The following SKAP2 variants were observed in gnomAD, a reference collection of about 807,000 sequenced individuals.
SKAP2 encodes the protein src kinase-associated phosphoprotein 2.
In SKAP2, 28 loss-of-function variants were observed where a neutral mutation model predicts 54.9. That is an observed-to-expected ratio of 0.51 (90% confidence interval 0.38 to 0.70). SKAP2 has a LOEUF of 0.70. Among genes scored for constraint, SKAP2 ranks in the 30% least tolerant of loss-of-function variants. The pLI, the probability that SKAP2 is intolerant of heterozygous loss-of-function variation, is 0.00. For synonymous variants in SKAP2, 137 were observed against 134.3 expected (o/e 1.02, Z -0.14); for missense variants, 356 against 424.1 (o/e 0.84, Z 1.41).
At chr7:26,692,812 A>G (rs1201117175) in intron 9 of SKAP2, among the ~76,000 whole-genome samples, 1 of 152,238 alleles carries the variant, frequency 6.6e-6, no homozygotes, top group Non-Finnish European at 1.5e-5. Flanking sequence ...GAACGTTTAC[A>G]GTCATTATTC....
intron 12 of SKAP2, among the ~76,000 whole-genome samples, 187 bp from the exon 13 acceptor site, chr7:26,669,843 G>T (rs773327377): frequency 9.2e-5 from 14 of 152,112 alleles, no homozygotes; most frequent in Non-Finnish European, 1.8e-4. Flanking sequence ...TGGGAAAACA[G>T]CTGGTTACTA....
intron 9 of SKAP2, among the ~76,000 whole-genome samples, chr7:26,720,032 T>G (rs1243170764): frequency 6.7e-6 from 1 of 148,444 alleles, no homozygotes; most frequent in East Asian, 2.0e-4. Flanking sequence ...TCCTTGGCCC[T>G]TACCCACCAC....
At position 26,747,388 on chromosome 7, in the gene SKAP2, T is replaced by C. The variant is rs371093027; in HGVS notation, c.308-7424A>G. Among the ~76,000 whole-genome samples, 15 of 152,252 alleles carry C rather than the reference T, an allele frequency of 9.9e-5. 1 individual carries two copies. Among genetic ancestry groups the C allele is most frequent in the African/African-American group, 3.6e-4 (15 of 41,576 alleles). Reference sequence around the variant, plus strand: ...GGGGAAAAGGCTTTAAAAACTGATATAGCAGCCTATGTGACTACACTGGGG... The same window carrying C: ...GGGGAAAAGGCTTTAAAAACTGATACAGCAGCCTATGTGACTACACTGGGG... On this transcript the variant is annotated intron_variant, in intron 4 of 12. Coordinates refer to ENST00000345317, the MANE Select transcript of SKAP2 (RefSeq NM_003930.5).
chr7:26,681,214 C>G (rs1786485447), intron 11 of SKAP2, among the ~76,000 whole-genome samples: 1 of 152,188 alleles, frequency 6.6e-6, no homozygotes, highest in African/African-American at 2.4e-5. Flanking sequence ...CTTTGGGAGG[C>G]CGAGGCGGGC....
At chr7:26,808,262 C>T (rs1275694383) in intron 4 of SKAP2, among the ~76,000 whole-genome samples, 1 of 152,046 alleles carries the variant, frequency 6.6e-6, no homozygotes, top group African/African-American at 2.4e-5. Context: ...GGTATACATA[C>T]ATAATAGAAT....
chr7:26,754,228 G>C (rs1782742197), intron 4 of SKAP2, among the ~76,000 whole-genome samples: 1 of 151,860 alleles, frequency 6.6e-6, no homozygotes, highest in African/African-American at 2.4e-5. Context: ...GCAGGGCGTG[G>C]TGGCGTACAC....
chr7:26,754,383 A>C (rs1016933883), intron 4 of SKAP2, among the ~76,000 whole-genome samples: 27 of 131,936 alleles, frequency 2.0e-4, no homozygotes, highest in Non-Finnish European at 1.1e-4. Context: ...CACACACACA[A>C]AAAGTATTCA....
Position 26,826,118 on chromosome 7 carries a change from T to TACAC in SKAP2, c.307+17908_307+17911dup, listed in dbSNP as rs10601131. 3.0e-3 allele frequency among the ~76,000 whole-genome samples: 446 copies of TACAC among 150,124 alleles called. 1 individual carries two copies. Among genetic ancestry groups the TACAC allele is most frequent in the South Asian group, 4.6e-3 (22 of 4,734 alleles). Reference sequence around the variant, plus strand: ...ATCCAGACCTAGCCAATTCGTGCAATACACACACACACACACACACACACG... The same window carrying TACAC: ...ATCCAGACCTAGCCAATTCGTGCAATACACACACACACACACACACACACACACG... On this transcript the variant is annotated intron_variant, in intron 4 of 12. Transcript: ENST00000345317.
intron 4 of SKAP2, among the ~76,000 whole-genome samples, chr7:26,810,578 A>C (rs770348323): frequency 6.6e-6 from 1 of 152,204 alleles, no homozygotes; most frequent in African/African-American, 2.4e-5. Context: ...CAAAAATATA[A>C]GTACATGAGG....
intron 4 of SKAP2, among the ~76,000 whole-genome samples, chr7:26,829,079 T>A (rs1354650981): frequency 1.3e-5 from 2 of 151,974 alleles, no homozygotes; most frequent in Middle Eastern, 3.2e-3. Flanking sequence ...ACAGATAAAT[T>A]AAACTTCGTC....
intron 3 of SKAP2, among the ~76,000 whole-genome samples, chr7:26,851,926 T>G (rs1034805727): frequency 6.6e-6 from 1 of 152,114 alleles, no homozygotes; most frequent in African/African-American, 2.4e-5. Flanking sequence ...ACTCTCTACC[T>G]GGTCCTTTTT....
At chr7:26,666,041 C>G (rs1360700322), downstream of SKAP2, among the ~76,000 whole-genome samples, 1 of 151,832 alleles carries the variant, frequency 6.6e-6, no homozygotes, top group African/African-American at 2.4e-5. Flanking sequence ...TTGAGTGAAG[C>G]TGTGTTTTCC....
At chr7:26,654,783 A>G in the SKAP2 span, among the ~76,000 whole-genome samples, 1 of 152,266 alleles carries the variant, frequency 6.6e-6, no homozygotes, top group Non-Finnish European at 1.5e-5. Context: ...CACACAAGCA[A>G]TAGTTTTTAA....
intron 4 of SKAP2, among the ~76,000 whole-genome samples, chr7:26,781,463 G>A (rs781769752): frequency 7.2e-5 from 11 of 152,050 alleles, no homozygotes; most frequent in Non-Finnish European, 1.6e-4. Flanking sequence ...GTGCTACTGC[G>A]CCTTTTCAGA....
intron 1 of SKAP2, chr7:26,855,172 C>T (rs1038409743): frequency 1.5e-5 from 3 of 201,672 alleles, no homozygotes; most frequent in African/African-American, 6.9e-5. Context: ...GAAGCACACA[C>T]CAAGTTTTAA....
At chr7:26,828,570 G>T (rs1478009739) in intron 4 of SKAP2, among the ~76,000 whole-genome samples, 1 of 151,554 alleles carries the variant, frequency 6.6e-6, no homozygotes, top group Non-Finnish European at 1.5e-5. Flanking sequence ...CCAGCTACTC[G>T]GGAGGCTGAG....
chr7:26,722,629 G>A (rs941938661), intron 9 of SKAP2, among the ~76,000 whole-genome samples: 16 of 151,448 alleles, frequency 1.1e-4, no homozygotes, highest in South Asian at 2.1e-4. Flanking sequence ...GGCTCGCTTC[G>A]AACTCCTGAC....
chr7:26,762,757 A>G (rs1322955081), intron 4 of SKAP2, among the ~76,000 whole-genome samples: 1 of 152,220 alleles, frequency 6.6e-6, no homozygotes, highest in Non-Finnish European at 1.5e-5. Context: ...AAATAGTAAA[A>G]AAGTTTTTAA....
intron 4 of SKAP2, among the ~76,000 whole-genome samples, chr7:26,776,210 G>A (rs187678134): frequency 1.3e-5 from 2 of 151,828 alleles, no homozygotes; most frequent in Admixed American, 6.6e-5. Context: ...CCTTATCCCC[G>A]TCCTTAATGG....
Sources: allele counts gnomAD v4.1 joint callset (sites outside exome capture counted in the v4.1 genomes callset), GRCh38; gene constraint gnomAD v4.1.1; transcripts MANE v1.5; gene names NCBI Gene and HGNC (gene_info 2026-07-23, HGNC 2026-07-21).